The following PRR16 variants were observed in gnomAD, a reference collection of about 807,000 sequenced individuals.
PRR16 encodes protein Largen.
In PRR16, 6 loss-of-function variants were observed where a neutral mutation model predicts 18.2. The ratio of observed to expected loss-of-function variants is 0.33; its 90% CI spans 0.18 to 0.65. The LOEUF (loss-of-function observed/expected upper bound fraction) is 0.65. PRR16 is among the 30% of genes least tolerant of loss of function. The pLI is 0.74. For missense variants in PRR16, 412 were observed against 376.6 expected (o/e 1.09, Z -0.78); for synonymous variants, 151 against 147.8 (o/e 1.02, Z -0.16).
the PRR16 span, among the ~76,000 whole-genome samples, chr5:120,767,981 T>C: frequency 6.6e-6 from 1 of 151,864 alleles, no homozygotes; most frequent in African/African-American, 2.4e-5. Context: ...TTTCTCAGTA[T>C]ATTTACAGAA....
intron 1 of PRR16, among the ~76,000 whole-genome samples, chr5:120,634,861 C>A (rs1231362129): frequency 4.6e-5 from 7 of 151,748 alleles, no homozygotes; most frequent in Admixed American, 3.9e-4. Context: ...AATTGGTAGA[C>A]CATTAGCAAG....
intron 1 of PRR16, among the ~76,000 whole-genome samples, chr5:120,522,759 C>G (rs924986270): frequency 1.3e-5 from 2 of 151,252 alleles, no homozygotes; most frequent in African/African-American, 2.4e-5. Context: ...GCGCCCGCCA[C>G]CATGCGTGGC....
chr5:120,729,774 C>G, the PRR16 span, among the ~76,000 whole-genome samples: 1 of 152,076 alleles, frequency 6.6e-6, no homozygotes, highest in Non-Finnish European at 1.5e-5. Context: ...CAGGGAATGA[C>G]AAACAGCATG....
At chr5:120,632,616 C>A (rs190166538) in intron 1 of PRR16, among the ~76,000 whole-genome samples, 1 of 151,938 alleles carries the variant, frequency 6.6e-6, no homozygotes, top group Admixed American at 6.6e-5. Context: ...CTCGAAGAAG[C>A]GGAAGAAAGA....
At chr5:120,643,389 C>A (rs1054997903) in intron 1 of PRR16, among the ~76,000 whole-genome samples, 1 of 152,038 alleles carries the variant, frequency 6.6e-6, no homozygotes, top group Non-Finnish European at 1.5e-5. Flanking sequence ...AGTATTACTA[C>A]ATATAACTGT....
At chr5:120,762,525 C>CT in the PRR16 span, among the ~76,000 whole-genome samples, 2 of 152,040 alleles carry the variant, frequency 1.3e-5, no homozygotes, top group Non-Finnish European at 2.9e-5. Context: ...GAAATGAAAT[C>CT]TCCCTATGTT....
At chr5:120,765,963 C>T in the PRR16 span, among the ~76,000 whole-genome samples, 1 of 151,972 alleles carries the variant, frequency 6.6e-6, no homozygotes, top group African/African-American at 2.4e-5. Flanking sequence ...CTGTATACTA[C>T]TGTTATGGAA....
the PRR16 span, among the ~76,000 whole-genome samples, chr5:120,705,894 G>A: frequency 1.3e-5 from 2 of 152,188 alleles, no homozygotes. Context: ...AAAATATGAA[G>A]TATTCTAACA....
In PRR16 at chr5:120,650,341, ATTATAC is replaced by A. The variant is rs1367517940; in HGVS notation, c.160-35610_160-35605del. ...TTTTTTTCTTTTTTCTTTTTTTTTTATTATACTTTAAGTTTTAGGGTACATGTGCAC... is the reference window on the plus strand; with the variant it reads ...TTTTTTTCTTTTTTCTTTTTTTTTTATTTAAGTTTTAGGGTACATGTGCAC... On this transcript the variant is annotated intron_variant, in intron 1 of 1. Coordinates refer to ENST00000407149, the MANE Select transcript of PRR16 (RefSeq NM_001300783.2). 2.7e-5 allele frequency among the ~76,000 whole-genome samples: 4 copies of A among 147,624 alleles called. No individual in the cohort carries two copies. The East Asian group carries it at 5.9e-4, about 22-fold the overall frequency.
rs1348063657 is a variant in PRR16 at position 120,564,151 on chromosome 5, T to C, written c.159+99506T>C. Among the ~76,000 whole-genome samples, 3 of 152,170 alleles carry C rather than the reference T, an allele frequency of 2.0e-5. No individual in the cohort carries two copies. The East Asian group carries it at 5.8e-4, about 29-fold the overall frequency. ...GGAAGACAAAGTCCTCTTTACTCTT[T>C]GCTCTCCTCTTAAGCAGAAGGAATG... is the stretch of plus-strand genomic sequence containing the variant. On this transcript the variant is annotated intron_variant, in intron 1 of 1. Transcript: ENST00000407149.
chr5:120,530,143 TACAG>T (rs1199950721), intron 1 of PRR16, among the ~76,000 whole-genome samples: 1 of 148,424 alleles, frequency 6.7e-6, no homozygotes, highest in African/African-American at 2.5e-5. Context: ...GTAAATATGC[TACAG>T]ACATATATAT....
At chr5:120,569,159 T>A (rs550713796) in intron 1 of PRR16, among the ~76,000 whole-genome samples, 1 of 152,252 alleles carries the variant, frequency 6.6e-6, no homozygotes, top group Admixed American at 6.5e-5. Flanking sequence ...ATGTGCCAAG[T>A]TTTTCTGCTG....
the PRR16 span, among the ~76,000 whole-genome samples, chr5:120,726,594 CT>C: frequency 6.6e-6 from 1 of 151,986 alleles, no homozygotes; most frequent in Non-Finnish European, 1.5e-5. Flanking sequence ...TTTAATGTTT[CT>C]TAGTTTAGTA....
chr5:120,495,785 A>G (rs1335254006), intron 1 of PRR16, among the ~76,000 whole-genome samples: 16 of 151,922 alleles, frequency 1.1e-4, no homozygotes, highest in Non-Finnish European at 4.4e-5. Context: ...TTCCTTTCTA[A>G]TTTGTATGGC....
chr5:120,524,459 C>T (rs190550518), intron 1 of PRR16, among the ~76,000 whole-genome samples: 85 of 151,938 alleles, frequency 5.6e-4, no homozygotes, highest in Admixed American at 1.4e-3. Flanking sequence ...TCACTGATAT[C>T]CAAACTATTA....
intron 1 of PRR16, among the ~76,000 whole-genome samples, chr5:120,661,359 T>C (rs1345738208): frequency 6.6e-6 from 1 of 152,132 alleles, no homozygotes; most frequent in East Asian, 1.9e-4. Context: ...GTGCTTGAAT[T>C]GCTCCTTTTG....
chr5:120,794,021 T>C, the PRR16 span, among the ~76,000 whole-genome samples: 1 of 152,266 alleles, frequency 6.6e-6, no homozygotes, highest in East Asian at 1.9e-4. Context: ...TAGAATGTGG[T>C]TATGTGCTGA....
intron 1 of PRR16, among the ~76,000 whole-genome samples, chr5:120,534,441 T>A (rs1023430674): frequency 6.6e-6 from 1 of 152,180 alleles, no homozygotes; most frequent in Non-Finnish European, 1.5e-5. Context: ...ATAGAAATGC[T>A]CATGTTAGAC....
In PRR16 at chr5:120,646,048, T is replaced by TATATATATATATA. The variant is rs1755584808; in HGVS notation, c.160-39906_160-39905insATATATATATATA. Among the ~76,000 whole-genome samples, 463 of 104,938 alleles carry TATATATATATATA rather than the reference T, an allele frequency of 4.4e-3. 4 individuals carry two copies. Among genetic ancestry groups the TATATATATATATA allele is most frequent in the Non-Finnish European group, 7.1e-3 (342 of 47,964 alleles). The allele number at this position is 104,938 out of a possible 152,430, so 68.8% of individuals were successfully genotyped here. A position where few individuals can be genotyped will look rare whatever the true frequency, so the allele number is the denominator to read the frequency against. Reference sequence around the variant, plus strand: ...CAAATTACAAAAAAAAATACATATTTTATATATATATATATATATATATAT... The same window carrying TATATATATATATA: ...CAAATTACAAAAAAAAATACATATTTATATATATATATATATATATATATATATATATATATAT... On this transcript the variant is annotated intron_variant, in intron 1 of 1. Transcript: ENST00000407149.
Sources: gnomAD v4.1 joint callset for allele counts (sites outside exome capture counted in the v4.1 genomes callset) on GRCh38, gnomAD v4.1.1 for gene constraint, MANE v1.5 for transcripts, NCBI Gene and HGNC (gene_info 2026-07-23, HGNC 2026-07-21) for gene names.